The following WDR88 variants were observed in gnomAD, a reference collection of about 807,000 sequenced individuals.
WDR88 encodes WD repeat-containing protein 88.
A neutral mutation model predicts 46.8 loss-of-function variants in WDR88; 40 were observed. The ratio of observed to expected loss-of-function variants is 0.86; its 90% CI spans 0.66 to 1.11. The LOEUF (loss-of-function observed/expected upper bound fraction) is 1.11, where lower values mean the gene tolerates loss of function less well. Ranked by LOEUF, WDR88 falls within the 50% of genes most tolerant of loss-of-function variation. WDR88 has a pLI of 0.00. For missense variants in WDR88, 562 were observed against 602.4 expected, an observed-to-expected ratio of 0.93 and a Z score of 0.70; for synonymous variants, 235 against 240.7, an observed-to-expected ratio of 0.98 and a Z score of 0.22.
Position 33,172,377 on chromosome 19 carries a change from A to G in WDR88, c.1179A>G (p.Glu393=), listed in dbSNP as rs748403384. 5 of 1,614,074 alleles carry G rather than the reference A, an allele frequency of 3.1e-6. No homozygotes were observed. Among genetic ancestry groups the G allele is most frequent in the Non-Finnish European group, 3.4e-6 (4 of 1,179,998 alleles). ...GGACCATGAGACTGTGGAATATTGA[A>G]GAAATTGATGAAATTCCTTTGGTAA... ...KDRTMRLWNI[E]EIDEIPLVIK... is the part of the protein sequence containing the mutation. The change falls in exon 10 of 11, where the codon GAA becomes GAG. Residue 393 remains glutamate (E), a synonymous_variant. Coordinates refer to ENST00000355868, the MANE Select transcript of WDR88 (RefSeq NM_173479.4).
At position 33,160,348 on chromosome 19, in the gene WDR88, C is replaced by T. The variant is rs1204828520; in HGVS notation, c.998-66C>T. On this transcript the variant is annotated intron_variant, in intron 7 of 10. Coordinates refer to ENST00000355868, the MANE Select transcript of WDR88 (RefSeq NM_173479.4). Reference sequence around the variant, plus strand: ...TGGTGCCTCGCCAAGGCATCTTCAGCTGGCTTTGGGCTCACTTGGCTTGGA... The same window carrying T: ...TGGTGCCTCGCCAAGGCATCTTCAGTTGGCTTTGGGCTCACTTGGCTTGGA... 26 of 1,536,012 alleles carry T rather than the reference C, an allele frequency of 1.7e-5. No homozygotes were observed. The East Asian group carries it at 5.6e-4, about 33-fold the overall frequency.
intron 10 of WDR88, chr19:33,174,721 C>T (rs1441340103): frequency 2.0e-6 from 2 of 985,342 alleles, no homozygotes; most frequent in African/African-American, 1.7e-5. Flanking sequence ...CACAATTTTA[C>T]TCGGCACAGA....
chr19:33,154,610 G>T (rs1366968419), intron 6 of WDR88, among the ~76,000 whole-genome samples: 1 of 152,184 alleles, frequency 6.6e-6, no homozygotes, highest in Non-Finnish European at 1.5e-5. Context: ...TATCATTGAT[G>T]GGCATTTGGG....
intron 9 of WDR88, 94 bp downstream of exon 9, chr19:33,164,359 C>A: frequency 2.5e-6 from 3 of 1,185,934 alleles, no homozygotes; most frequent in Non-Finnish European, 3.8e-6. Flanking sequence ...TGGGTGGGTT[C>A]GGTGAGCTGT....
At chr19:33,145,944 G>A (rs1487122351) in intron 3 of WDR88, among the ~76,000 whole-genome samples, 1 of 152,172 alleles carries the variant, frequency 6.6e-6, no homozygotes, top group Non-Finnish European at 1.5e-5. Flanking sequence ...AACAAAATAA[G>A]TAGTCTCTTA....
rs58282641 is a variant in WDR88, at chr19:33,152,234, A to AATATATATATATAT, written c.809+930_809+943dup. Among the ~76,000 whole-genome samples, 600 of 147,458 alleles carry AATATATATATATAT rather than the reference A, an allele frequency of 4.1e-3. 6 individuals carry two copies. Among genetic ancestry groups the AATATATATATATAT allele is most frequent in the African/African-American group, 0.013 (515 of 39,986 alleles). The stretch of plus-strand genomic sequence containing the variant: ...GTGACAGAGTGAGACTCTGTCTCAA[A>AATATATATATATAT]ATATATATATATATATATACACGCA... On this transcript the variant is annotated intron_variant, in intron 6 of 10. Coordinates refer to ENST00000355868, the MANE Select transcript of WDR88 (RefSeq NM_173479.4).
intron 5 of WDR88, among the ~76,000 whole-genome samples, chr19:33,150,345 G>A (rs1353807666): frequency 6.6e-6 from 1 of 152,172 alleles, no homozygotes; most frequent in Non-Finnish European, 1.5e-5. Flanking sequence ...CCAGCTACTC[G>A]GGAGGCTGAG....
intron 5 of WDR88, among the ~76,000 whole-genome samples, chr19:33,150,760 A>G (rs1227249603): frequency 6.6e-6 from 1 of 152,118 alleles, no homozygotes; most frequent in African/African-American, 2.4e-5. Flanking sequence ...ACACTGCTCC[A>G]TGATCCGGCC....
intron 10 of WDR88, 50 bp from the exon 11 acceptor site, chr19:33,175,346 C>T: frequency 6.3e-7 from 1 of 1,575,020 alleles, no homozygotes; most frequent in South Asian, 1.1e-5. Flanking sequence ...ATGCCTGGAT[C>T]ACCTCTGACC....
chr19:33,136,390 C>T (rs1435606290), intron 1 of WDR88, among the ~76,000 whole-genome samples: 4 of 151,622 alleles, frequency 2.6e-5, no homozygotes, highest in Non-Finnish European at 5.9e-5. Flanking sequence ...GGGGTTTTGC[C>T]ATGTTGGCCA....
intron 1 of WDR88, among the ~76,000 whole-genome samples, chr19:33,133,212 G>GAGAGAAAA (rs1973173921): frequency 6.9e-6 from 1 of 145,556 alleles, no homozygotes; most frequent in African/African-American, 2.6e-5. Context: ...GAGAGAGAGA[G>GAGAGAAAA]AAAGAAAGAA....
At chr19:33,134,363 A>T (rs1973205633) in intron 1 of WDR88, among the ~76,000 whole-genome samples, 1 of 151,426 alleles carries the variant, frequency 6.6e-6, no homozygotes, top group African/African-American at 2.4e-5. Context: ...TTTAATTTTG[A>T]TTTTTTTTGT....
intron 2 of WDR88, among the ~76,000 whole-genome samples, chr19:33,143,545 G>A (rs1973446176): frequency 6.6e-6 from 1 of 151,422 alleles, no homozygotes; most frequent in Non-Finnish European, 1.5e-5. Flanking sequence ...TTGGGAGGCT[G>A]AGATGGGAGG....
chr19:33,162,152 AT>A (rs1973877919), intron 8 of WDR88, among the ~76,000 whole-genome samples: 1 of 152,192 alleles, frequency 6.6e-6, no homozygotes, highest in Non-Finnish European at 1.5e-5. Context: ...CCCAGACATC[AT>A]TCAGTGTCTG....
intron 1 of WDR88, among the ~76,000 whole-genome samples, chr19:33,136,704 A>G (rs1391648622): frequency 2.0e-5 from 3 of 151,448 alleles, no homozygotes; most frequent in South Asian, 2.1e-4. Context: ...TTGGGATTAC[A>G]GGAGCACACC....
At chr19:33,157,348 A>G (rs1187950422) in intron 7 of WDR88, among the ~76,000 whole-genome samples, 2 of 151,216 alleles carry the variant, frequency 1.3e-5, no homozygotes, top group Admixed American at 6.6e-5. Context: ...AAATACAAAA[A>G]TTAGCCAGGT....
At position 33,158,127 on chromosome 19, in the gene WDR88, CTCTTG is replaced by C. The variant is rs1299453695; in HGVS notation, c.997+1586_997+1590del. The stretch of plus-strand genomic sequence containing the variant: ...CCAGCTCCAGGGAGGGAAGTGGGTG[CTCTTG>C]ACACTCAGGAGCCAAACATATGCTC... On this transcript the variant is annotated intron_variant, in intron 7 of 10. Transcript: ENST00000355868. Among the ~76,000 whole-genome samples the C allele has an allele frequency of 3.3e-5, 5 of 152,198 alleles. No individual in the cohort carries two copies. The East Asian group carries it at 9.7e-4, about 29-fold the overall frequency.
At chr19:33,152,007 G>T (rs567631793) in intron 6 of WDR88, among the ~76,000 whole-genome samples, 34 of 152,100 alleles carry the variant, frequency 2.2e-4, no homozygotes, top group Non-Finnish European at 4.6e-4. Context: ...CGAGTGGGGC[G>T]GATCACCTGA....
chr19:33,132,151 C>G lies in WDR88; in HGVS notation c.-19C>G, dbSNP rs1462386485. The G allele has an allele frequency of 6.4e-7, 1 of 1,571,162 alleles. No individual in the cohort carries two copies. Among genetic ancestry groups the G allele is most frequent in the Non-Finnish European group, 8.6e-7 (1 of 1,162,610 alleles). ...CCCATCCAGGCTTGTCGGCGGCCAC[C>G]GGCGGACCGGGCTTCGAGATGGCCT... is the stretch of plus-strand genomic sequence containing the variant. On this transcript the variant is annotated 5_prime_UTR_variant, in exon 1 of 11. Coordinates refer to ENST00000355868, the MANE Select transcript of WDR88 (RefSeq NM_173479.4).
Sources: allele counts gnomAD v4.1 joint callset (sites outside exome capture counted in the v4.1 genomes callset), GRCh38; gene constraint gnomAD v4.1.1; transcripts MANE v1.5; gene names NCBI Gene and HGNC (gene_info 2026-07-23, HGNC 2026-07-21).